SLC44A5: variants seen among roughly 807,000 people sequenced by gnomAD.
SLC44A5 encodes choline transporter-like protein 5.
SLC44A5 carries 57 observed loss-of-function variants against 101.8 expected under a neutral mutation model. The observed-to-expected ratio is 0.56, with a 90% CI of 0.45 to 0.70. The LOEUF (loss-of-function observed/expected upper bound fraction) is 0.70, where lower values mean the gene tolerates loss of function less well. SLC44A5 is among the 30% of genes least tolerant of loss of function. The probability of loss-of-function intolerance (pLI) is 0.00; values close to 1 mark genes in which losing one functional copy is unlikely to be tolerated. For missense variants in SLC44A5, 737 were observed against 853.1 expected (o/e 0.86, Z 1.70); for synonymous variants, 281 against 290.9 (o/e 0.97, Z 0.35).
At chr1:75,537,614 A>G (rs1314897795) in intron 2 of SLC44A5, among the ~76,000 whole-genome samples, 3 of 152,222 alleles carry the variant, frequency 2.0e-5, no homozygotes, top group Non-Finnish European at 4.4e-5. Flanking sequence ...CCATCATCAA[A>G]CTGAACTGTG....
At chr1:75,607,615 CAT>C (rs1430844530) in intron 1 of SLC44A5, among the ~76,000 whole-genome samples, 4 of 151,982 alleles carry the variant, frequency 2.6e-5, no homozygotes, top group South Asian at 4.1e-4. Flanking sequence ...ATAATTCCCA[CAT>C]GTCATGGGAG....
chr1:75,209,348 A>G (rs893789964), intron 23 of SLC44A5, among the ~76,000 whole-genome samples: 7 of 152,226 alleles, frequency 4.6e-5, no homozygotes, highest in Admixed American at 6.5e-5. Context: ...GGAAGGTCAC[A>G]TAGTGATTTC....
intron 3 of SLC44A5, among the ~76,000 whole-genome samples, chr1:75,385,456 A>G (rs1354902689): frequency 6.6e-6 from 1 of 152,206 alleles, no homozygotes; most frequent in African/African-American, 2.4e-5. Flanking sequence ...TAGAAAATCT[A>G]GAAGAAATGG....
chr1:75,402,723 C>T (rs959258450), intron 2 of SLC44A5, among the ~76,000 whole-genome samples: 7 of 152,074 alleles, frequency 4.6e-5, no homozygotes, highest in African/African-American at 1.7e-4. Context: ...GGTGCCTACA[C>T]CACCACACCA....
At chr1:75,383,852 G>A (rs922072631) in intron 3 of SLC44A5, among the ~76,000 whole-genome samples, 1 of 152,138 alleles carries the variant, frequency 6.6e-6, no homozygotes, top group African/African-American at 2.4e-5. Context: ...ACTAACAGCA[G>A]ATCTCTCAGC....
chr1:75,271,407 C>T (rs1012360938), intron 6 of SLC44A5, among the ~76,000 whole-genome samples: 2 of 151,616 alleles, frequency 1.3e-5, no homozygotes, highest in Non-Finnish European at 2.9e-5. Flanking sequence ...GCAGTATATA[C>T]TGTATGCAAT....
At chr1:75,627,992 T>C in the SLC44A5 span, among the ~76,000 whole-genome samples, 1 of 150,888 alleles carries the variant, frequency 6.6e-6, no homozygotes. Context: ...TGATTTAACA[T>C]AGGTCTTACA....
chr1:75,282,604 C>T (rs1378304302), intron 5 of SLC44A5, among the ~76,000 whole-genome samples: 2 of 152,114 alleles, frequency 1.3e-5, no homozygotes, highest in Non-Finnish European at 2.9e-5. Flanking sequence ...GTAATCCCCA[C>T]GTGTTGGGAG....
intron 2 of SLC44A5, among the ~76,000 whole-genome samples, chr1:75,531,064 C>G (rs142943951): frequency 6.6e-6 from 1 of 152,130 alleles, no homozygotes; most frequent in Non-Finnish European, 1.5e-5. Flanking sequence ...TATCAAGATG[C>G]GCTCCACAGG....
chr1:75,552,775 C>T (rs1428962033), intron 1 of SLC44A5, among the ~76,000 whole-genome samples: 1 of 152,072 alleles, frequency 6.6e-6, no homozygotes, highest in Non-Finnish European at 1.5e-5. Context: ...ATTAGAATCA[C>T]AGTACCTAAG....
intron 5 of SLC44A5, among the ~76,000 whole-genome samples, chr1:75,277,312 T>G (rs898528414): frequency 3.3e-5 from 5 of 152,202 alleles, no homozygotes; most frequent in Non-Finnish European, 5.9e-5. Context: ...GCTAACTTGA[T>G]TACACCCATT....
chr1:75,225,771 C>T (rs917723287), intron 13 of SLC44A5, among the ~76,000 whole-genome samples: 3 of 152,222 alleles, frequency 2.0e-5, no homozygotes, highest in South Asian at 2.1e-4. Context: ...GTTATGAAAG[C>T]GGAGGCTTAT....
At chr1:75,562,229 T>C (rs1672557396) in intron 1 of SLC44A5, among the ~76,000 whole-genome samples, 1 of 152,120 alleles carries the variant, frequency 6.6e-6, no homozygotes, top group Non-Finnish European at 1.5e-5. Context: ...GATTTTTTAT[T>C]ATTTGAATTT....
chr1:75,456,212 G>A (rs1005213093), intron 2 of SLC44A5, among the ~76,000 whole-genome samples: 7 of 152,128 alleles, frequency 4.6e-5, no homozygotes, highest in Non-Finnish European at 7.4e-5. Flanking sequence ...CAGCAACATG[G>A]AAGCAGCTGG....
intron 2 of SLC44A5, among the ~76,000 whole-genome samples, chr1:75,421,584 A>G (rs1664006105): frequency 6.6e-6 from 1 of 152,154 alleles, no homozygotes; most frequent in Non-Finnish European, 1.5e-5. Context: ...ATTGTCCTCA[A>G]TGGTGCCCTA....
At chr1:75,207,544 T>C (rs1646772575) in intron 23 of SLC44A5, among the ~76,000 whole-genome samples, 1 of 152,172 alleles carries the variant, frequency 6.6e-6, no homozygotes, top group African/African-American at 2.4e-5. Flanking sequence ...CAGCAGATAG[T>C]AGCTATAGTC....
chr1:75,681,018 T>A, the SLC44A5 span, among the ~76,000 whole-genome samples: 1 of 149,634 alleles, frequency 6.7e-6, no homozygotes, highest in South Asian at 2.1e-4. Context: ...CTAGAAGAAA[T>A]GGATAAATTC....
At chr1:75,477,483 C>G (rs1667498460) in intron 2 of SLC44A5, among the ~76,000 whole-genome samples, 1 of 151,956 alleles carries the variant, frequency 6.6e-6, no homozygotes, top group South Asian at 2.1e-4. Flanking sequence ...AAACCAAAGG[C>G]AAAGAAGTTA....
intron 3 of SLC44A5, among the ~76,000 whole-genome samples, chr1:75,395,439 C>T (rs565411853): frequency 1.5e-3 from 223 of 152,184 alleles, no homozygotes; most frequent in Non-Finnish European, 2.8e-3. Context: ...ATAGCCTCTA[C>T]AAAAGTTTCT....
Sources: allele counts gnomAD v4.1 joint callset (sites outside exome capture counted in the v4.1 genomes callset), GRCh38; gene constraint gnomAD v4.1.1; transcripts MANE v1.5; gene names NCBI Gene and HGNC (gene_info 2026-07-23, HGNC 2026-07-21).